Variants in TH observed in about 807,000 individuals in gnomAD.
TH encodes the protein tyrosine hydroxylase, also known as tyrosine 3-monooxygenase.
A neutral mutation model predicts 57.4 loss-of-function variants in TH; 49 were observed. The ratio of observed to expected loss-of-function variants is 0.85; its 90% CI spans 0.68 to 1.08. The LOEUF (loss-of-function observed/expected upper bound fraction) is 1.08, where lower values mean the gene tolerates loss of function less well. Among genes scored for constraint, TH ranks in the 50% least tolerant of loss-of-function variants. TH has a pLI of 0.00. For synonymous variants in TH, 330 were observed against 304.5 expected, an observed-to-expected ratio of 1.08 and a Z score of -0.87; for missense variants, 720 against 696.7, an observed-to-expected ratio of 1.03 and a Z score of -0.38.
At position 2,168,079 on chromosome 11, in the gene TH, C is replaced by T. The variant is rs550221603; in HGVS notation, c.576+12G>A. 70 of 1,611,136 alleles carry T rather than the reference C, an allele frequency of 4.3e-5. No homozygotes were observed. In the Middle Eastern group the frequency reaches 6.6e-4, roughly 15 times the overall value. On this transcript the variant is annotated intron_variant, in intron 4 of 12. Coordinates refer to ENST00000352909, the MANE Select transcript of TH (RefSeq NM_000360.4). ...AGGGGCAGGAGGCCTGAGTGAGGGG[C>T]GCACCACTCACCGGGTGGTCCAAGT...
intron 2 of TH, among the ~76,000 whole-genome samples, chr11:2,169,004 C>T (rs531110153): frequency 6.6e-6 from 1 of 152,332 alleles, no homozygotes; most frequent in South Asian, 2.1e-4. Flanking sequence ...GTGCCCCCAA[C>T]CCTGGTGGCC....
rs1057520384 is a variant in TH, at chr11:2,166,003, G to T, written c.1103C>A (p.Thr368Lys). 5.8e-6 allele frequency: 9 copies of T among 1,561,308 alleles called. No homozygotes were observed. The highest frequency in any genetic ancestry group is 2.4e-5 in the East Asian group (1 of 42,532). Residue 368 changes from threonine (T) to lysine (K), a missense_variant and splice_region_variant, in exon 10 of 13, where the codon ACG (threonine) becomes AAG (lysine). Transcript: ENST00000352909. ...ASDEEIEKLSTLYWFTVEFGL... is the reference protein window; with the variant it reads ...ASDEEIEKLSKLYWFTVEFGL... ...CCCTGCAGGGAGGGGTCAACCCACC[G>T]TGGACAGCTTCTCAATTTCCTCATC...
At position 2,170,738 on chromosome 11, in the gene TH, C is replaced by T. The variant is rs1799833; in HGVS notation, c.91-867G>A. On this transcript the variant is annotated intron_variant, in intron 1 of 12. Coordinates refer to ENST00000352909, the MANE Select transcript of TH (RefSeq NM_000360.4). The surrounding 1 kb of genome is among the most constrained non-coding windows in gnomAD (Gnocchi z 6.0). ...CAGCTGGGGCTGCAGTTCCAGGCCACGGAGAGCCTGTGAGGCTGGGCCCCG... is the reference window on the plus strand; with the variant it reads ...CAGCTGGGGCTGCAGTTCCAGGCCATGGAGAGCCTGTGAGGCTGGGCCCCG... 54 of 1,578,092 alleles carry T rather than the reference C, an allele frequency of 3.4e-5. No homozygotes were observed. The highest frequency in any genetic ancestry group is 9.8e-5 in the African/African-American group (7 of 71,636).
At chr11:2,168,736 G>T in intron 2 of TH, 71 bp from the exon 3 acceptor site, 1 of 456,332 alleles carries the variant, frequency 2.2e-6, no homozygotes. Context: ...GGTGGGGTGG[G>T]CGGGGAGGAG....
At position 2,170,117 on chromosome 11, in the gene TH, G is replaced by A. The variant is rs1846213248; in HGVS notation, c.91-246C>T. 6.6e-6 allele frequency among the ~76,000 whole-genome samples: 1 copy of A among 152,186 alleles called. No homozygotes were observed. The highest frequency in any genetic ancestry group is 2.4e-5 in the African/African-American group (1 of 41,440). On this transcript the variant is annotated intron_variant, in intron 1 of 12. Coordinates refer to ENST00000352909, the MANE Select transcript of TH (RefSeq NM_000360.4). The surrounding 1 kb of genome is among the most constrained non-coding windows in gnomAD (Gnocchi z 6.0). Reference sequence around the variant, plus strand: ...TGGTGGTGGGGGAGGAGTGGGGGCTGGGAAGGTGCTCGCCTGCTCCCCACT... The same window carrying A: ...TGGTGGTGGGGGAGGAGTGGGGGCTAGGAAGGTGCTCGCCTGCTCCCCACT...
intron 4 of TH, 33 bp from the exon 5 acceptor site, chr11:2,167,966 C>T: frequency 1.2e-6 from 2 of 1,610,492 alleles, no homozygotes; most frequent in Non-Finnish European, 8.5e-7. Flanking sequence ...GGTCAGGAGG[C>T]TGTGCTGGGG....
chr11:2,167,508 G>T, intron 5 of TH, 23 bp from the exon 6 acceptor site: 1 of 1,553,700 alleles, frequency 6.4e-7, no homozygotes, highest in Non-Finnish European at 8.7e-7. Flanking sequence ...CCAGTGGTCA[G>T]CAGGTCCCCT....
chr11:2,168,186 G>A lies in TH; in HGVS notation c.488-7C>T. ...TTTCTTGGGAACCAGGGGACTTTATGGGTGATGGAGGAAGAGATCTTGGTG... is the reference window on the plus strand; with the variant it reads ...TTTCTTGGGAACCAGGGGACTTTATAGGTGATGGAGGAAGAGATCTTGGTG... On this transcript the variant is annotated splice_region_variant and splice_polypyrimidine_tract_variant and intron_variant, in intron 3 of 12. Coordinates refer to ENST00000352909, the MANE Select transcript of TH (RefSeq NM_000360.4). 2 of 1,612,902 alleles carry A rather than the reference G, an allele frequency of 1.2e-6. No homozygotes were observed. The highest frequency in any genetic ancestry group is 2.2e-5 in the South Asian group (2 of 91,064).
At position 2,164,194 on chromosome 11, in the gene TH, CA is replaced by C. The variant is rs761758966; in HGVS notation, c.*38del. On this transcript the variant is annotated 3_prime_UTR_variant, in exon 13 of 13. Coordinates refer to ENST00000352909, the MANE Select transcript of TH (RefSeq NM_000360.4). ...CCTGAGCTCCGGGACAGTGCAGGACCAGGGGAGGTTGGGAAGGGCCCTCAGG... is the reference window on the plus strand; with the variant it reads ...CCTGAGCTCCGGGACAGTGCAGGACCGGGGAGGTTGGGAAGGGCCCTCAGG... The C allele has an allele frequency of 2.1e-6, 3 of 1,424,270 alleles. No homozygotes were observed. The highest frequency in any genetic ancestry group is 2.8e-6 in the Non-Finnish European group (3 of 1,085,394). The allele number at this position is 1,424,270 out of a possible 1,614,324, so 88.2% of individuals were successfully genotyped here. A position where few individuals can be genotyped will look rare whatever the true frequency, so the allele number is the denominator to read the frequency against.
chr11:2,166,698 G>A lies in TH; in HGVS notation c.912C>T (p.Ala304=), dbSNP rs1590167156. ...ACTGGGTGCACTGGAACACGCGGAA[G>A]GCCAGGCTGGCCAGGAAGTCCCGGG... ...LSARDFLASL[A]FRVFQCTQYI... The change falls in exon 8 of 13, where the codon GCC becomes GCT. Residue 304 remains alanine, a synonymous_variant. Transcript: ENST00000352909. The A allele has an allele frequency of 1.3e-6, 2 of 1,554,568 alleles. No homozygotes were observed. The highest frequency in any genetic ancestry group is 1.4e-5 in the African/African-American group (1 of 73,608).
rs1337103251 is a variant in TH at position 2,170,902 on chromosome 11, A to C, written c.90+795T>G. 1 of 607,622 alleles carries C rather than the reference A, an allele frequency of 1.6e-6. No individual in the cohort carries two copies. The highest frequency in any genetic ancestry group is 2.9e-6 in the Non-Finnish European group (1 of 342,980). 37.6% of individuals were successfully genotyped at this position (607,622 alleles called of 1,614,324 possible). ...ACTGCTACAACTCACACCACATTTCAATCAAGGTCCATAAATAAAAACCCA... is the reference window on the plus strand; with the variant it reads ...ACTGCTACAACTCACACCACATTTCCATCAAGGTCCATAAATAAAAACCCA... On this transcript the variant is annotated intron_variant, in intron 1 of 12. Coordinates refer to ENST00000352909, the MANE Select transcript of TH (RefSeq NM_000360.4). The surrounding 1 kb of genome is among the most constrained non-coding windows in gnomAD (Gnocchi z 6.0).
chr11:2,171,807 G>A lies in TH; in HGVS notation c.-21C>T. ...GGCATGGCTCAGTGTGGAGGTCCGG[G>A]CTCCGTCTCCACAGCCCTGGCCCAG... is the stretch of plus-strand genomic sequence containing the variant. On this transcript the variant is annotated 5_prime_UTR_variant, in exon 1 of 13. Coordinates refer to ENST00000352909, the MANE Select transcript of TH (RefSeq NM_000360.4). The surrounding 1 kb of genome is among the most constrained non-coding windows in gnomAD (Gnocchi z 8.6). 1 of 1,605,564 alleles carries A rather than the reference G, an allele frequency of 6.2e-7. No individual in the cohort carries two copies. Among genetic ancestry groups the A allele is most frequent in the Non-Finnish European group, 8.5e-7 (1 of 1,177,096 alleles).
intron 11 of TH, 92 bp from the exon 12 acceptor site, chr11:2,165,457 G>T: frequency 6.4e-7 from 1 of 1,569,902 alleles, no homozygotes; most frequent in East Asian, 2.2e-5. Context: ...TGGGTTCCTT[G>T]GGTAGAGTCA....
In TH at chr11:2,171,429, C is replaced by T. The variant is rs1348824402; in HGVS notation, c.90+268G>A. On this transcript the variant is annotated intron_variant, in intron 1 of 12. Transcript: ENST00000352909. This position sits in a 1 kb window ranked among gnomAD's most constrained non-coding sequence, Gnocchi z 8.6. ...TTAAGATTCAAGATGAAACAAGACA[C>T]AGAGACCCACACGACCCCCGAGAGA... is the stretch of plus-strand genomic sequence containing the variant. Among the ~76,000 whole-genome samples the T allele has an allele frequency of 6.8e-6, 1 of 146,856 alleles. No homozygotes were observed. Among genetic ancestry groups the T allele is most frequent in the African/African-American group, 2.5e-5 (1 of 39,530 alleles).
At chr11:2,168,204 T>C (rs1846154124) in intron 3 of TH, 25 bp from the exon 4 acceptor site, 6 of 1,609,926 alleles carry the variant, frequency 3.7e-6, no homozygotes, top group African/African-American at 1.3e-5. Context: ...GAGGAAGAGA[T>C]CTTGGTGAGC....
chr11:2,165,180 C>T lies in TH; in HGVS notation c.1334+52G>A, dbSNP rs1020628227. 11 of 1,612,016 alleles carry T rather than the reference C, an allele frequency of 6.8e-6. No homozygotes were observed. The African/African-American group carries it at 9.3e-5, about 14-fold the overall frequency. On this transcript the variant is annotated intron_variant, in intron 12 of 12. Transcript: ENST00000352909. ...GCTCAAGGCCAGAAGGAAGGCCTGG[C>T]TGGCCCAGTTTGGGGGCACCATGGG...
At chr11:2,165,839 G>A (rs1846075252) in intron 10 of TH, 76 bp from the exon 11 acceptor site, 2 of 1,558,104 alleles carry the variant, frequency 1.3e-6, no homozygotes, top group Admixed American at 1.9e-5. Flanking sequence ...CCGTGACCAG[G>A]ATACCACCCC....
At chr11:2,168,319 G>A in intron 3 of TH, 140 bp from the exon 4 acceptor site, 1 of 1,346,252 alleles carries the variant, frequency 7.4e-7, no homozygotes, top group South Asian at 1.2e-5. Context: ...GGATCCTGGA[G>A]TGGCCCCAGG....
In TH at chr11:2,170,238, C is replaced by G. The variant is rs1281241588; in HGVS notation, c.91-367G>C. Among the ~76,000 whole-genome samples the G allele has an allele frequency of 6.6e-6, 1 of 152,172 alleles. No homozygotes were observed. Among genetic ancestry groups the G allele is most frequent in the African/African-American group, 2.4e-5 (1 of 41,420 alleles). On this transcript the variant is annotated intron_variant, in intron 1 of 12. Transcript: ENST00000352909. This position sits in a 1 kb window ranked among gnomAD's most constrained non-coding sequence, Gnocchi z 6.0. ...GGGAAGAGGGCGATGTCTTGATGGA[C>G]AGTGGCATCGGCTGCCGGGGAGGGA...
Sources: gnomAD v4.1 joint callset for allele counts (sites outside exome capture counted in the v4.1 genomes callset) on GRCh38, gnomAD v4.1.1 for gene constraint, Gnocchi (gnomAD v3.1) non-coding constraint, MANE v1.5 for transcripts, NCBI Gene and HGNC (gene_info 2026-07-23, HGNC 2026-07-21) for gene names.